The following FBXL17 variants were observed in gnomAD, a reference collection of about 807,000 sequenced individuals.
FBXL17 encodes F-box/LRR-repeat protein 17.
FBXL17 carries 22 observed loss-of-function variants against 66.2 expected under a neutral mutation model. The ratio of observed to expected loss-of-function variants is 0.33; its 90% CI spans 0.24 to 0.47. The LOEUF (loss-of-function observed/expected upper bound fraction) is 0.47. Ranked by LOEUF, FBXL17 falls within the 20% of genes least tolerant of loss-of-function variation. The pLI is 1.00. For synonymous variants in FBXL17, 474 were observed against 400.5 expected (o/e 1.18, Z -2.19); for missense variants, 878 against 948.2 (o/e 0.93, Z 0.97).
intron 7 of FBXL17, among the ~76,000 whole-genome samples, chr5:107,924,504 T>TA (rs1255235511): frequency 1.3e-5 from 2 of 152,120 alleles, no homozygotes; most frequent in Admixed American, 6.6e-5. Context: ...TAAGATGGGT[T>TA]AAAAAAATGG....
At chr5:107,898,226 A>G (rs990130787) in intron 7 of FBXL17, among the ~76,000 whole-genome samples, 1 of 152,142 alleles carries the variant, frequency 6.6e-6, no homozygotes, top group African/African-American at 2.4e-5. Flanking sequence ...ATGGTGGAAG[A>G]AGAATTGGTA....
intron 6 of FBXL17, among the ~76,000 whole-genome samples, chr5:108,108,576 A>C (rs1749902306): frequency 6.6e-6 from 1 of 152,208 alleles, no homozygotes; most frequent in South Asian, 2.1e-4. Context: ...AAATAAAGAC[A>C]TGGGTAACAA....
intron 7 of FBXL17, among the ~76,000 whole-genome samples, chr5:107,977,079 T>C (rs1752607876): frequency 6.6e-6 from 1 of 152,134 alleles, no homozygotes; most frequent in East Asian, 1.9e-4. Flanking sequence ...GCAAAAAATA[T>C]CTAGTTGGGT....
Position 108,143,194 on chromosome 5 carries a change from T to C in FBXL17, c.1745+42923A>G, listed in dbSNP as rs1019899904. ...AAACCAGTCCCTGGTGCCAAAAAGG[T>C]TGGGGACCACTGCCTTACATGATGA... On this transcript the variant is annotated intron_variant, in intron 6 of 8. Coordinates refer to ENST00000542267, the MANE Select transcript of FBXL17 (RefSeq NM_001163315.3). Among the ~76,000 whole-genome samples the C allele has an allele frequency of 5.3e-5, 8 of 151,798 alleles. No individual in the cohort carries two copies. In the East Asian group the frequency reaches 1.5e-3, roughly 29 times the overall value.
At chr5:108,202,338 G>A (rs1054077264) in intron 5 of FBXL17, among the ~76,000 whole-genome samples, 4 of 152,238 alleles carry the variant, frequency 2.6e-5, no homozygotes, top group Middle Eastern at 6.8e-3. Flanking sequence ...TACAACTAGA[G>A]TGTAAGTAAT....
At chr5:108,246,403 G>A (rs1026633730) in intron 4 of FBXL17, among the ~76,000 whole-genome samples, 1 of 152,126 alleles carries the variant, frequency 6.6e-6, no homozygotes, top group Non-Finnish European at 1.5e-5. Context: ...TGTAGTTCCA[G>A]GTGCTTGGGA....
chr5:107,878,774 G>A (rs1561514798), intron 8 of FBXL17: 2 of 985,352 alleles, frequency 2.0e-6, no homozygotes, highest in Non-Finnish European at 1.2e-6. Flanking sequence ...GTTTGGAACT[G>A]TCTTCCATCC....
At chr5:108,088,229 A>T (rs1431125218) in intron 6 of FBXL17, among the ~76,000 whole-genome samples, 2 of 152,206 alleles carry the variant, frequency 1.3e-5, no homozygotes, top group Non-Finnish European at 2.9e-5. Context: ...AAGAACTTTG[A>T]TAATAATTTA....
At chr5:108,351,810 AGAATCTACATATCAACAGAAG>A (rs1185029744) in intron 3 of FBXL17, among the ~76,000 whole-genome samples, 2 of 152,250 alleles carry the variant, frequency 1.3e-5, no homozygotes, top group African/African-American at 2.4e-5. Context: ...ATAAAAGAAG[AGAATCTACATATCAACAGAAG>A]GAATAAGTGT....
intron 7 of FBXL17, among the ~76,000 whole-genome samples, chr5:107,943,084 C>T (rs1751168460): frequency 6.6e-6 from 1 of 152,132 alleles, no homozygotes. Flanking sequence ...TCTTCTTTGC[C>T]TTGGTATCAC....
chr5:108,123,534 T>C (rs529239201), intron 6 of FBXL17, among the ~76,000 whole-genome samples: 4 of 152,310 alleles, frequency 2.6e-5, no homozygotes, highest in East Asian at 3.9e-4. Flanking sequence ...AGTGTTTTCA[T>C]GTTACTAAAT....
rs78429203 is a variant in FBXL17, at chr5:108,174,194, G to T, written c.1745+11923C>A. ...ACCCTATGCTATAGTTCAGGCATAGGTAATCTACTCCTCAATTTATTTCTT... is the reference window on the plus strand; with the variant it reads ...ACCCTATGCTATAGTTCAGGCATAGTTAATCTACTCCTCAATTTATTTCTT... On this transcript the variant is annotated intron_variant, in intron 6 of 8. Coordinates refer to ENST00000542267, the MANE Select transcript of FBXL17 (RefSeq NM_001163315.3). 7.8e-3 allele frequency among the ~76,000 whole-genome samples: 1,181 copies of T among 152,072 alleles called. 8 individuals are homozygous for T. The highest frequency in any genetic ancestry group is 0.013 in the Admixed American group (204 of 15,268).
At chr5:107,916,850 T>C (rs73780455) in intron 7 of FBXL17, among the ~76,000 whole-genome samples, 2,415 of 152,276 alleles carry the variant, frequency 0.016, 79 homozygotes, top group African/African-American at 0.055. Context: ...ACATATGTGG[T>C]TAAAAATTTT....
At chr5:107,949,241 C>T (rs556206584) in intron 7 of FBXL17, among the ~76,000 whole-genome samples, 1 of 149,366 alleles carries the variant, frequency 6.7e-6, no homozygotes, top group South Asian at 2.2e-4. Context: ...ATATATACAA[C>T]AAGAGAAGTA....
intron 7 of FBXL17, among the ~76,000 whole-genome samples, chr5:107,971,061 T>G (rs556328305): frequency 6.6e-6 from 1 of 152,332 alleles, no homozygotes; most frequent in East Asian, 1.9e-4. Flanking sequence ...AAACATGTTT[T>G]GAAGTCACAA....
rs1749991101 is a variant in FBXL17 at position 108,381,878 on chromosome 5, T to G, written c.-187A>C. On this transcript the variant is annotated 5_prime_UTR_variant, in exon 1 of 9. Transcript: ENST00000542267. ...GGGCGTCAGCTGCGGGCCGCCGGAG[T>G]GCCCGACGGGGGCTACATGCTTTGC... The G allele has an allele frequency of 2.3e-6, 3 of 1,290,040 alleles. No homozygotes were observed. The highest frequency in any genetic ancestry group is 3.1e-5 in the African/African-American group (2 of 64,406). 79.9% of individuals were successfully genotyped at this position (1,290,040 alleles called of 1,614,324 possible).
At chr5:108,250,024 T>C (rs1756274709) in intron 4 of FBXL17, among the ~76,000 whole-genome samples, 1 of 152,154 alleles carries the variant, frequency 6.6e-6, no homozygotes, top group African/African-American at 2.4e-5. Context: ...AAGAACTGTT[T>C]CATATCCAAG....
chr5:107,886,536 A>G (rs1748977637), intron 7 of FBXL17, among the ~76,000 whole-genome samples: 1 of 152,118 alleles, frequency 6.6e-6, no homozygotes, highest in African/African-American at 2.4e-5. Context: ...CAGGGAAAGT[A>G]CAAGATGAGT....
In FBXL17 at chr5:108,025,366, T is replaced by A. The variant is rs575076961; in HGVS notation, c.1746-4365A>T. 2.6e-3 allele frequency among the ~76,000 whole-genome samples: 399 copies of A among 152,104 alleles called. 4 individuals carry two copies. The highest frequency in any genetic ancestry group is 4.8e-3 in the Admixed American group (74 of 15,266). ...TTCTTTCCTAAGTCACTTTTATATTTGAATAATAGATATATCTTTAAGTGA... is the reference window on the plus strand; with the variant it reads ...TTCTTTCCTAAGTCACTTTTATATTAGAATAATAGATATATCTTTAAGTGA... On this transcript the variant is annotated intron_variant, in intron 6 of 8. Transcript: ENST00000542267.
Sources: gnomAD v4.1 joint callset for allele counts (sites outside exome capture counted in the v4.1 genomes callset) on GRCh38, gnomAD v4.1.1 for gene constraint, MANE v1.5 for transcripts, NCBI Gene and HGNC (gene_info 2026-07-23, HGNC 2026-07-21) for gene names.